KCMF1: variants seen among roughly 807,000 people sequenced by gnomAD.
KCMF1 encodes potassium channel modulatory factor 1, also known as E3 ubiquitin-protein ligase KCMF1.
A neutral mutation model predicts 41.1 loss-of-function variants in KCMF1; 3 were observed. That is an observed-to-expected ratio of 0.07 (90% CI 0.03 to 0.19). The LOEUF (loss-of-function observed/expected upper bound fraction) is 0.19, where lower values mean the gene tolerates loss of function less well. Ranked by LOEUF, KCMF1 falls within the 10% of genes least tolerant of loss-of-function variation. KCMF1 has a pLI of 1.00. For missense variants in KCMF1, 286 were observed against 488.9 expected, an observed-to-expected ratio of 0.58 and a Z score of 3.91; for synonymous variants, 142 against 164.5, an observed-to-expected ratio of 0.86 and a Z score of 1.04.
At chr2:85,032,484 C>T (rs1675300653) in intron 2 of KCMF1, among the ~76,000 whole-genome samples, 1 of 152,074 alleles carries the variant, frequency 6.6e-6, no homozygotes, top group Non-Finnish European at 1.5e-5. Flanking sequence ...TCAAGTGATT[C>T]TCCTGCCTCA....
At chr2:84,992,443 A>G (rs950719345) in intron 1 of KCMF1, among the ~76,000 whole-genome samples, 1 of 151,508 alleles carries the variant, frequency 6.6e-6, no homozygotes, top group Non-Finnish European at 1.5e-5. Context: ...TTTAGTAGAG[A>G]TGGGGTTTCG....
intron 1 of KCMF1, among the ~76,000 whole-genome samples, chr2:85,016,642 A>G (rs1242223365): frequency 1.3e-5 from 2 of 152,050 alleles, no homozygotes; most frequent in Non-Finnish European, 2.9e-5. Context: ...TCTTTAAGCA[A>G]AATAATTCTG....
intron 4 of KCMF1, among the ~76,000 whole-genome samples, chr2:85,045,281 A>C (rs1262464678): frequency 1.3e-5 from 2 of 151,906 alleles, no homozygotes; most frequent in East Asian, 3.9e-4. Flanking sequence ...ATATAAAATT[A>C]TCAAATATAT....
chr2:85,001,540 G>A (rs905392504), intron 1 of KCMF1, among the ~76,000 whole-genome samples: 1 of 152,056 alleles, frequency 6.6e-6, no homozygotes, highest in African/African-American at 2.4e-5. Flanking sequence ...AATCCTGTTG[G>A]GATGCTGAAC....
At chr2:85,020,751 GA>G (rs1394647921) in intron 1 of KCMF1, among the ~76,000 whole-genome samples, 3 of 152,170 alleles carry the variant, frequency 2.0e-5, no homozygotes, top group Non-Finnish European at 4.4e-5. Context: ...TTTTGAATAA[GA>G]AAATTTTTAA....
At chr2:85,023,713 G>A (rs931059938) in intron 1 of KCMF1, among the ~76,000 whole-genome samples, 2 of 152,062 alleles carry the variant, frequency 1.3e-5, no homozygotes, top group African/African-American at 4.8e-5. Flanking sequence ...TTCCCTCCCC[G>A]GGAATTTATT....
chr2:84,996,786 A>G (rs1330353608), intron 1 of KCMF1, among the ~76,000 whole-genome samples: 1 of 152,190 alleles, frequency 6.6e-6, no homozygotes, highest in Non-Finnish European at 1.5e-5. Context: ...AGATAATTTA[A>G]TAAGTAGCTG....
At chr2:85,018,743 AT>A (rs888269020) in intron 1 of KCMF1, among the ~76,000 whole-genome samples, 2 of 134,648 alleles carry the variant, frequency 1.5e-5, no homozygotes, top group Non-Finnish European at 3.2e-5. Flanking sequence ...TCAAGGCATT[AT>A]TTTACAATAT....
At position 84,985,777 on chromosome 2, in the gene KCMF1, C is replaced by T. The variant is rs1218656031; in HGVS notation, c.16+14310C>T. Among the ~76,000 whole-genome samples, 8 of 149,452 alleles carry T rather than the reference C, an allele frequency of 5.4e-5. No individual in the cohort carries two copies. The South Asian group carries it at 1.3e-3, about 24-fold the overall frequency. On this transcript the variant is annotated intron_variant, in intron 1 of 6. Transcript: ENST00000409785. ...CCAGAAGGCGGAGGTTGCAGTGAGC[C>T]GAGATTGTGTCACTGCACTCCAGCC...
In KCMF1 at chr2:85,049,390, T is replaced by C. The variant is rs1256190443; in HGVS notation, c.626T>C (p.Val209Ala). 2 of 1,613,694 alleles carry C rather than the reference T, an allele frequency of 1.2e-6. No homozygotes were observed. Among genetic ancestry groups the C allele is most frequent in the South Asian group, 1.1e-5 (1 of 91,076 alleles). Residue 209 changes from valine to alanine, a missense_variant, in exon 6 of 7, where the codon GTG becomes GCG. By Grantham distance (64) the Val-to-Ala change is moderately conservative. This residue lies in a region of KCMF1 where 191 missense variants were observed against 279.3 expected (regional missense o/e 0.68). Transcript: ENST00000409785. ...IAELLSQLSG[V>A]RRSAGGQLNS... ...GAGCTTTTATCTCAGTTATCAGGAG[T>C]GAGACGTTCTGCAGGAGGACAGCTT...
At chr2:84,995,741 A>G (rs1674162979) in intron 1 of KCMF1, among the ~76,000 whole-genome samples, 1 of 152,258 alleles carries the variant, frequency 6.6e-6, no homozygotes, top group South Asian at 2.1e-4. Flanking sequence ...ACTTGAGGCC[A>G]GGAGTTCAAA....
intron 3 of KCMF1, among the ~76,000 whole-genome samples, chr2:85,039,367 G>T (rs773688548): frequency 6.6e-6 from 1 of 151,990 alleles, no homozygotes; most frequent in Non-Finnish European, 1.5e-5. Flanking sequence ...AGAGGCCAGA[G>T]GAAATCCAAA....
intron 5 of KCMF1, among the ~76,000 whole-genome samples, 159 bp downstream of exon 5, chr2:85,046,437 C>G (rs533703297): frequency 6.6e-6 from 1 of 152,108 alleles, no homozygotes; most frequent in Non-Finnish European, 1.5e-5. Context: ...CAAGACCAGC[C>G]TGGCCAACAT....
At chr2:85,010,820 G>A (rs1674633309) in intron 1 of KCMF1, among the ~76,000 whole-genome samples, 1 of 149,180 alleles carries the variant, frequency 6.7e-6, no homozygotes, top group South Asian at 2.1e-4. Context: ...GGATTCCTGT[G>A]TTATTCAGTG....
intron 1 of KCMF1, among the ~76,000 whole-genome samples, chr2:85,006,860 G>T (rs1674484183): frequency 1.3e-5 from 2 of 151,676 alleles, no homozygotes; most frequent in Admixed American, 1.3e-4. Flanking sequence ...TGTAATCCCA[G>T]CACTTACGGA....
chr2:85,014,702 C>CGCGCGCGT (rs1030189145), intron 1 of KCMF1, among the ~76,000 whole-genome samples: 1 of 143,888 alleles, frequency 6.9e-6, no homozygotes, highest in Admixed American at 6.9e-5. Flanking sequence ...GAAATACTGG[C>CGCGCGCGT]GCGCGCGTGC....
chr2:84,974,668 T>TAC (rs1440710150), intron 1 of KCMF1, among the ~76,000 whole-genome samples: 2 of 34,334 alleles, frequency 5.8e-5, no homozygotes, highest in Non-Finnish European at 5.9e-5. Context: ...CATATATATA[T>TAC]ATATATATAT....
At chr2:85,007,101 C>CAAAAA (rs764401140) in intron 1 of KCMF1, among the ~76,000 whole-genome samples, 6 of 51,876 alleles carry the variant, frequency 1.2e-4, no homozygotes, top group South Asian at 6.9e-4. Flanking sequence ...AACTCAGTCT[C>CAAAAA]AAAAAAAAAA....
intron 5 of KCMF1, among the ~76,000 whole-genome samples, chr2:85,047,384 G>A (rs1263211964): frequency 6.6e-6 from 1 of 152,136 alleles, no homozygotes; most frequent in Non-Finnish European, 1.5e-5. Context: ...TATCTCAGAT[G>A]TTGTGCAAGG....
Sources: gnomAD v4.1 joint callset for allele counts (sites outside exome capture counted in the v4.1 genomes callset) on GRCh38, gnomAD v4.1.1 for gene constraint, gnomAD v4.1.1 regional missense constraint, MANE v1.5 for transcripts, NCBI Gene and HGNC (gene_info 2026-07-23, HGNC 2026-07-21) for gene names.